Variants in RUNX1 observed in about 807,000 individuals in gnomAD.
RUNX1 encodes the protein runt-related transcription factor 1.
RUNX1 carries 19 observed loss-of-function variants against 42.8 expected under a neutral mutation model. The observed-to-expected ratio is 0.44, with a 90% confidence interval of 0.31 to 0.65. The LOEUF (loss-of-function observed/expected upper bound fraction) is 0.65, where lower values mean the gene tolerates loss of function less well. Among genes scored for constraint, RUNX1 ranks in the 30% least tolerant of loss-of-function variants. RUNX1 has a pLI of 0.07. For synonymous variants in RUNX1, 271 were observed against 289.4 expected (o/e 0.94, Z 0.64); for missense variants, 528 against 672.0 (o/e 0.79, Z 2.37).
At chr21:34,912,831 C>T (rs2053215072) in intron 2 of RUNX1, among the ~76,000 whole-genome samples, 1 of 152,242 alleles carries the variant, frequency 6.6e-6, no homozygotes, top group Admixed American at 6.5e-5. Context: ...GCTCAACATT[C>T]CAAACCGATG....
intron 2 of RUNX1, among the ~76,000 whole-genome samples, chr21:34,921,199 A>G (rs1312870770): frequency 2.6e-5 from 4 of 152,150 alleles, no homozygotes; most frequent in South Asian, 2.1e-4. Context: ...ATATATTCAC[A>G]CTGTTGTGCA....
intron 2 of RUNX1, among the ~76,000 whole-genome samples, chr21:35,007,715 C>T (rs2059095565): frequency 6.6e-6 from 1 of 152,154 alleles, no homozygotes; most frequent in Admixed American, 6.5e-5. Flanking sequence ...TACCTCTTCT[C>T]CACTCTCACT....
At chr21:35,034,143 G>T (rs1201133215) in intron 2 of RUNX1, among the ~76,000 whole-genome samples, 1 of 152,154 alleles carries the variant, frequency 6.6e-6, no homozygotes, top group African/African-American at 2.4e-5. Context: ...CCATTTCCCA[G>T]CTGTGTGACC....
At chr21:34,966,580 G>A (rs150580770) in intron 2 of RUNX1, among the ~76,000 whole-genome samples, 1 of 152,248 alleles carries the variant, frequency 6.6e-6, no homozygotes, top group Non-Finnish European at 1.5e-5. Flanking sequence ...AACACCATAA[G>A]TATCTCACTC....
At chr21:35,008,825 C>A (rs1445978093) in intron 2 of RUNX1, among the ~76,000 whole-genome samples, 1 of 152,092 alleles carries the variant, frequency 6.6e-6, no homozygotes, top group African/African-American at 2.4e-5. Flanking sequence ...ATAAGGTAGG[C>A]TTCTGGAAGA....
At chr21:35,001,306 TTTTA>T (rs1305368919) in intron 2 of RUNX1, among the ~76,000 whole-genome samples, 3 of 68,794 alleles carry the variant, frequency 4.4e-5, no homozygotes, top group African/African-American at 2.3e-4. Context: ...TGAGTTATGG[TTTTA>T]TATATATATA....
chr21:34,832,946 C>G (rs1157365140), intron 7 of RUNX1: 1 of 152,160 alleles, frequency 6.6e-6, no homozygotes, highest in East Asian at 1.9e-4. Context: ...GGCCACTTAG[C>G]TGTGTGCATA....
chr21:34,811,334 C>T (rs896009045), intron 7 of RUNX1, among the ~76,000 whole-genome samples: 3 of 152,218 alleles, frequency 2.0e-5, no homozygotes, highest in African/African-American at 7.2e-5. Context: ...ATGCAGTCCT[C>T]CCATCTGACT....
intron 3 of RUNX1, chr21:34,889,823 G>A (rs57537540): frequency 3.6e-6 from 4 of 1,113,448 alleles, no homozygotes; most frequent in Non-Finnish European, 4.4e-6. Context: ...TCCCAGCGGA[G>A]GCTGCTCCCG....
rs2057613166 is a variant in RUNX1 at position 34,863,710 on chromosome 21, ACACCCAGC to A, written c.509-4140_509-4133del. ...GCTGGGATTACATGTGCATACCACC[ACACCCAGC>A]TAATTTTTTGTATTTTTAGTAGAGA... On this transcript the variant is annotated intron_variant, in intron 5 of 8. Transcript: ENST00000675419. 3.3e-5 allele frequency among the ~76,000 whole-genome samples: 5 copies of A among 151,944 alleles called. 1 individual carries two copies. In the South Asian group the frequency reaches 8.3e-4, roughly 25 times the overall value.
chr21:35,009,834 A>C (rs1294122788), intron 2 of RUNX1, among the ~76,000 whole-genome samples: 1 of 152,210 alleles, frequency 6.6e-6, no homozygotes, highest in Non-Finnish European at 1.5e-5. Flanking sequence ...AATTTTGACT[A>C]ACCAAACATG....
chr21:34,910,157 C>T (rs1400430594), intron 2 of RUNX1, among the ~76,000 whole-genome samples: 1 of 152,196 alleles, frequency 6.6e-6, no homozygotes, highest in Non-Finnish European at 1.5e-5. Context: ...TGCTGTCTTC[C>T]CAGTGGGTTC....
intron 2 of RUNX1, among the ~76,000 whole-genome samples, chr21:34,964,289 C>T (rs894528629): frequency 6.6e-6 from 1 of 151,952 alleles, no homozygotes; most frequent in Non-Finnish European, 1.5e-5. Context: ...GAGATCGAGA[C>T]CATCCTGGCT....
At chr21:34,859,900 T>C (rs1487373237) in intron 5 of RUNX1, among the ~76,000 whole-genome samples, 1 of 152,220 alleles carries the variant, frequency 6.6e-6, no homozygotes, top group Non-Finnish European at 1.5e-5. Flanking sequence ...CACTTCTGGT[T>C]CCCAACTTCC....
At chr21:34,931,524 T>C (rs1174158054) in intron 2 of RUNX1, among the ~76,000 whole-genome samples, 1 of 147,162 alleles carries the variant, frequency 6.8e-6, no homozygotes, top group Non-Finnish European at 1.5e-5. Flanking sequence ...TATTACATTA[T>C]ATATACACGT....
intron 2 of RUNX1, among the ~76,000 whole-genome samples, chr21:34,913,834 C>G (rs1259460417): frequency 6.6e-6 from 1 of 152,064 alleles, no homozygotes; most frequent in East Asian, 1.9e-4. Flanking sequence ...TAAATTCCAC[C>G]CAGAGTTTAG....
intron 6 of RUNX1, among the ~76,000 whole-genome samples, chr21:34,841,710 C>T (rs1236283874): frequency 6.6e-6 from 1 of 152,164 alleles, no homozygotes; most frequent in Non-Finnish European, 1.5e-5. Flanking sequence ...GAAGCTCTTC[C>T]CTGAGATCCC....
intron 7 of RUNX1, among the ~76,000 whole-genome samples, chr21:34,800,225 A>T (rs2145913006): frequency 6.6e-6 from 1 of 152,376 alleles, no homozygotes; most frequent in Non-Finnish European, 1.5e-5. Context: ...CAAAAGATTT[A>T]GACAAAGTGG....
At chr21:34,931,356 G>GTA (rs1181676181) in intron 2 of RUNX1, among the ~76,000 whole-genome samples, 1 of 143,068 alleles carries the variant, frequency 7.0e-6, no homozygotes, top group Non-Finnish European at 1.5e-5. Flanking sequence ...ATATACATGT[G>GTA]TATATATATG....
Sources: allele counts gnomAD v4.1 joint callset (sites outside exome capture counted in the v4.1 genomes callset), GRCh38; gene constraint gnomAD v4.1.1; transcripts MANE v1.5; gene names NCBI Gene and HGNC (gene_info 2026-07-23, HGNC 2026-07-21).